HDAC10: variants seen among roughly 807,000 people sequenced by gnomAD.
HDAC10 encodes the protein polyamine deacetylase HDAC10.
Under a neutral mutation model 82.3 loss-of-function variants are expected in HDAC10, and 90 were observed. The ratio of observed to expected loss-of-function variants is 1.09; its 90% CI spans 0.92 to 1.30. The LOEUF (loss-of-function observed/expected upper bound fraction) is 1.30, where lower values mean the gene tolerates loss of function less well. Ranked by LOEUF, HDAC10 falls within the 50% of genes most tolerant of loss-of-function variation. The pLI is 0.00. For missense variants in HDAC10, 934 were observed against 876.3 expected (o/e 1.07, Z -0.83); for synonymous variants, 456 against 391.7 (o/e 1.16, Z -1.94).
At chr22:50,247,804 CAG>C in intron 13 of HDAC10, 28 bp from the exon 14 acceptor site, 2 of 1,612,798 alleles carry the variant, frequency 1.2e-6, no homozygotes, top group South Asian at 2.2e-5. Context: ...GAGGGACACA[CAG>C]ACACGGAGTG....
At chr22:50,247,393 A>T in intron 14 of HDAC10, 1 of 350,532 alleles carries the variant, frequency 2.9e-6, no homozygotes, top group Non-Finnish European at 5.2e-6. Flanking sequence ...TTGGCCCCCC[A>T]AACTGCCGTT....
At position 50,245,701 on chromosome 22, in the gene HDAC10, G is replaced by T. The variant is rs765400334; in HGVS notation, c.1960C>A (p.Leu654Met). The T allele has an allele frequency of 4.3e-6, 7 of 1,613,168 alleles. No homozygotes were observed. Among genetic ancestry groups the T allele is most frequent in the African/African-American group, 1.3e-5 (1 of 74,950 alleles). ...VQALMYLRGQLEPQWKMLQCH... is the reference protein window; with the variant it reads ...VQALMYLRGQMEPQWKMLQCH... Reference sequence around the variant, plus strand: ...TGCAACATCTTCCACTGAGGCTCCAGCTGCCCTCTCAGGTACATCAGGGCC... The same window carrying T: ...TGCAACATCTTCCACTGAGGCTCCATCTGCCCTCTCAGGTACATCAGGGCC... Residue 654 changes from leucine (L) to methionine (M), a missense_variant, in exon 19 of 20, where the codon CTG becomes ATG. Physicochemically the swap from Leu to Met is conservative, Grantham distance 15. Coordinates refer to ENST00000216271, the MANE Select transcript of HDAC10 (RefSeq NM_032019.6).
Position 50,250,081 on chromosome 22 carries a change from T to C in HDAC10, c.371A>G (p.Asn124Ser). ...CTCTCACCTCACCAGGGCAAGCCCA[T>C]TTTGCACAGCTCCAGTGAGCACAGC... ...VDAVLTGAVQ[N>S]GLALVRPPGH... Residue 124 changes from asparagine (N) to serine (S), a missense_variant, in exon 4 of 20, where the codon AAT (asparagine) becomes AGT (serine). Coordinates refer to ENST00000216271, the MANE Select transcript of HDAC10 (RefSeq NM_032019.6). 1 of 1,612,704 alleles carries C rather than the reference T, an allele frequency of 6.2e-7. No individual in the cohort carries two copies. The highest frequency in any genetic ancestry group is 8.5e-7 in the Non-Finnish European group (1 of 1,179,904).
In HDAC10 at chr22:50,249,421, A is replaced by G. The variant is rs1459728108; in HGVS notation, c.597T>C (p.His199=). ...CTCGCAGGAAAGGCCAGAAGCGCCC[A>G]TGCTCATAGCGGTGCCAGGAGAAGT... ...VLYFSWHRYE[H]GRFWPFLRES... The change falls in exon 7 of 20, where the codon CAT becomes CAC. Residue 199 remains histidine (H), a synonymous_variant. Transcript: ENST00000216271. The surrounding 1 kb of genome is among the most constrained non-coding windows in gnomAD (Gnocchi z 4.4). 2.5e-6 allele frequency: 4 copies of G among 1,612,736 alleles called. No homozygotes were observed. The highest frequency in any genetic ancestry group is 2.2e-5 in the East Asian group (1 of 44,880).
Position 50,245,326 on chromosome 22 carries a change from G to T in HDAC10, c.*181C>A, listed in dbSNP as rs1343460288. 2 of 631,660 alleles carry T rather than the reference G, an allele frequency of 3.2e-6. No homozygotes were observed. The highest frequency in any genetic ancestry group is 5.7e-6 in the Non-Finnish European group (2 of 349,060). 39.1% of individuals were successfully genotyped at this position (631,660 alleles called of 1,614,324 possible). A position where few individuals can be genotyped will look rare whatever the true frequency, so the allele number is the denominator to read the frequency against. On this transcript the variant is annotated 3_prime_UTR_variant, in exon 20 of 20. Coordinates refer to ENST00000216271, the MANE Select transcript of HDAC10 (RefSeq NM_032019.6). ...GCGATGGGTGGGGCGGGGGCGAGGT[G>T]AGGTGAGGGGTGGAGCGGGGGAAGC...
At position 50,248,381 on chromosome 22, in the gene HDAC10, A is replaced by T; in HGVS notation, c.998T>A (p.Met333Lys). 1 of 1,610,268 alleles carries T rather than the reference A, an allele frequency of 6.2e-7. No individual in the cohort carries two copies. Residue 333 changes from methionine (M) to lysine (K), a missense_variant, in exon 11 of 20, where the codon ATG (methionine) becomes AAG (lysine). Met to Lys is a moderately conservative substitution (Grantham distance 95, BLOSUM62 -1). Coordinates refer to ENST00000216271, the MANE Select transcript of HDAC10 (RefSeq NM_032019.6). This position sits in a 1 kb window ranked among gnomAD's most constrained non-coding sequence, Gnocchi z 5.4. ...CCCCTCGCACCTCTGACATGGCGCC[A>T]TTGGCCCTGACAGGGGTGGGGCCGG... Reference protein sequence around the residue: ...GDPAPPLSGPMAPCQSALESI... With the variant: ...GDPAPPLSGPKAPCQSALESI...
chr22:50,249,819 G>A lies in HDAC10; in HGVS notation c.494+41C>T, dbSNP rs1362688004. On this transcript the variant is annotated intron_variant, in intron 5 of 19. Coordinates refer to ENST00000216271, the MANE Select transcript of HDAC10 (RefSeq NM_032019.6). The surrounding 1 kb of genome is among the most constrained non-coding windows in gnomAD (Gnocchi z 4.4). ...CGCCTCCTGCGCTGCCCCTTGCTGT[G>A]TGGCCTGGGCCCACCCCCCTGCAGC... 1 of 1,604,722 alleles carries A rather than the reference G, an allele frequency of 6.2e-7. No individual in the cohort carries two copies. Among genetic ancestry groups the A allele is most frequent in the Non-Finnish European group, 8.5e-7 (1 of 1,173,748 alleles).
At position 50,250,169 on chromosome 22, in the gene HDAC10, G is replaced by A. The variant is rs759040844; in HGVS notation, c.292-9C>T. 2.7e-5 allele frequency: 43 copies of A among 1,608,722 alleles called. No individual in the cohort carries two copies. The highest frequency in any genetic ancestry group is 1.7e-4 in the Middle Eastern group (1 of 6,028). Reference sequence around the variant, plus strand: ...GCGCAGTGAAAGGTACTCTGTGGGCGCAGGGGCGCAGATGAGCCCCCTGCC... The same window carrying A: ...GCGCAGTGAAAGGTACTCTGTGGGCACAGGGGCGCAGATGAGCCCCCTGCC... On this transcript the variant is annotated splice_polypyrimidine_tract_variant and intron_variant, in intron 3 of 19. Transcript: ENST00000216271.
rs960664083 is a variant in HDAC10 at position 50,246,734 on chromosome 22, G to A, written c.1516C>T (p.Leu506=). 4 of 1,612,518 alleles carry A rather than the reference G, an allele frequency of 2.5e-6. No individual in the cohort carries two copies. Among genetic ancestry groups the A allele is most frequent in the African/African-American group, 2.7e-5 (2 of 74,912 alleles). The change falls in exon 16 of 20, where the codon CTG becomes TTG. Residue 506 remains leucine (L), a splice_region_variant and synonymous_variant. Coordinates refer to ENST00000216271, the MANE Select transcript of HDAC10 (RefSeq NM_032019.6). ...AGCTGTCCCAGGGCCACGCACAGCA[G>A]CCTGGAAGAAGAGCTGGCCTCAGGA... is the stretch of plus-strand genomic sequence containing the variant. ...RRGLSHGAQR[L]LCVALGQLDR...
rs1000182798 is a variant in HDAC10 at position 50,247,761 on chromosome 22, C to T, written c.1353G>A (p.Leu451=). The change falls in exon 14 of 20, where the codon CTG becomes CTA. Residue 451 remains leucine (L), a synonymous_variant. Coordinates refer to ENST00000216271, the MANE Select transcript of HDAC10 (RefSeq NM_032019.6). ...GTGCAGTGAGGGCCTCCTCCCGGGC[C>T]AGGGACTCGTGTGGCCTGTGGTGGA... The part of the protein sequence containing the change: ...TEAWARPHES[L]AREEALTALG... 1.1e-5 allele frequency: 17 copies of T among 1,608,900 alleles called. No homozygotes were observed. The highest frequency in any genetic ancestry group is 1.4e-5 in the Non-Finnish European group (17 of 1,176,592).
chr22:50,247,447 A>T, intron 14 of HDAC10: 1 of 451,718 alleles, frequency 2.2e-6, no homozygotes, highest in East Asian at 3.5e-5. Flanking sequence ...TGTATACTTT[A>T]AATCACCCCC....
chr22:50,245,320 C>T lies in HDAC10; in HGVS notation c.*187G>A. ...CGGGGCGCGATGGGTGGGGCGGGGG[C>T]GAGGTGAGGTGAGGGGTGGAGCGGG... On this transcript the variant is annotated 3_prime_UTR_variant, in exon 20 of 20. Transcript: ENST00000216271. The T allele has an allele frequency of 1.9e-6, 1 of 526,052 alleles. No homozygotes were observed. 32.6% of individuals were successfully genotyped at this position (526,052 alleles called of 1,614,324 possible).
In HDAC10 at chr22:50,248,509, A is replaced by T. The variant is rs200989017; in HGVS notation, c.907-37T>A. 1 of 1,577,310 alleles carries T rather than the reference A, an allele frequency of 6.3e-7. No individual in the cohort carries two copies. The highest frequency in any genetic ancestry group is 2.3e-5 in the East Asian group (1 of 43,660). On this transcript the variant is annotated intron_variant, in intron 10 of 19. Coordinates refer to ENST00000216271, the MANE Select transcript of HDAC10 (RefSeq NM_032019.6). This position sits in a 1 kb window ranked among gnomAD's most constrained non-coding sequence, Gnocchi z 5.4. ...GTGGAGACATGATTGGGGCAGAGAT[A>T]TCACTGGGATGGGATGTCACCGGGA...
chr22:50,248,605 C>T lies in HDAC10; in HGVS notation c.906+57G>A, dbSNP rs1182940135. 9 of 1,475,500 alleles carry T rather than the reference C, an allele frequency of 6.1e-6. No individual in the cohort carries two copies. The East Asian group carries it at 2.0e-4, about 32-fold the overall frequency. 91.4% of individuals were successfully genotyped at this position (1,475,500 alleles called of 1,614,324 possible). A position where few individuals can be genotyped will look rare whatever the true frequency, so the allele number is the denominator to read the frequency against. On this transcript the variant is annotated intron_variant, in intron 10 of 19. Coordinates refer to ENST00000216271, the MANE Select transcript of HDAC10 (RefSeq NM_032019.6). The surrounding 1 kb of genome is among the most constrained non-coding windows in gnomAD (Gnocchi z 5.4). ...ACCCCGTGGGCACCTGGCTCCCATGCTCCTGACCCCCAGGCCTCTGGCCCA... is the reference window on the plus strand; with the variant it reads ...ACCCCGTGGGCACCTGGCTCCCATGTTCCTGACCCCCAGGCCTCTGGCCCA...
At chr22:50,250,182 T>C in intron 3 of HDAC10, 22 bp from the exon 4 acceptor site, 1 of 1,598,642 alleles carries the variant, frequency 6.3e-7, no homozygotes, top group Non-Finnish European at 8.5e-7. Context: ...GGGGCGCAGA[T>C]GAGCCCCCTG....
chr22:50,247,540 G>C, intron 14 of HDAC10, 152 bp downstream of exon 14: 2 of 598,502 alleles, frequency 3.3e-6, no homozygotes, highest in South Asian at 4.8e-5. Flanking sequence ...CCCTGGGGCT[G>C]TTCTGGGAAC....
rs1234057779 is a variant in HDAC10, at chr22:50,246,328, G to C, written c.1620C>G (p.Ser540=). 9.3e-6 allele frequency: 15 copies of C among 1,612,950 alleles called. No homozygotes were observed. Among genetic ancestry groups the C allele is most frequent in the Non-Finnish European group, 1.3e-5 (15 of 1,179,956 alleles). Residue 540 remains serine, a synonymous_variant, in exon 17 of 20, where the codon TCC becomes TCG. Coordinates refer to ENST00000216271, the MANE Select transcript of HDAC10 (RefSeq NM_032019.6). Reference sequence around the variant, plus strand: ...GCAGTGGCGTGGAGACATGGAACATGGATAGGGCAGCCGCCTCCTTGCCCC... The same window carrying C: ...GCAGTGGCGTGGAGACATGGAACATCGATAGGGCAGCCGCCTCCTTGCCCC... ...NIRGKEAAAL[S]MFHVSTPLPV...
intron 19 of HDAC10, 35 bp from the exon 20 acceptor site, chr22:50,245,565 C>G: frequency 7.3e-7 from 1 of 1,378,912 alleles, no homozygotes; most frequent in Non-Finnish European, 1.0e-6. Context: ...GCGCAGTTGG[C>G]CTCCGGCGCT....
chr22:50,247,031 C>T, intron 14 of HDAC10, 65 bp from the exon 15 acceptor site: 6 of 996,168 alleles, frequency 6.0e-6, no homozygotes, highest in Non-Finnish European at 9.0e-6. Flanking sequence ...TAAACAGATC[C>T]ACAGTTCCCT....
Sources: allele counts gnomAD v4.1 joint callset, GRCh38; gene constraint gnomAD v4.1.1; non-coding constraint Gnocchi (gnomAD v3.1); transcripts MANE v1.5; gene names NCBI Gene and HGNC (gene_info 2026-07-23, HGNC 2026-07-21).